The following PDE3B variants were observed in gnomAD, a reference collection of about 807,000 sequenced individuals.
PDE3B encodes the protein phosphodiesterase 3B.
A neutral mutation model predicts 116.8 loss-of-function variants in PDE3B; 66 were observed. The ratio of observed to expected loss-of-function variants is 0.56; its 90% CI spans 0.46 to 0.69. PDE3B has a LOEUF of 0.69. Among genes scored for constraint, PDE3B ranks in the 30% least tolerant of loss-of-function variants. The probability of loss-of-function intolerance (pLI) is 0.00; values close to 1 mark genes in which losing one functional copy is unlikely to be tolerated. For missense variants in PDE3B, 1,384 were observed against 1,368.1 expected (o/e 1.01, Z -0.18); for synonymous variants, 595 against 533.6 (o/e 1.12, Z -1.59).
intron 12 of PDE3B, among the ~76,000 whole-genome samples, chr11:14,855,306 T>A (rs1294774761): frequency 6.6e-6 from 1 of 151,148 alleles, no homozygotes; most frequent in African/African-American, 2.4e-5. Flanking sequence ...ACACCACACA[T>A]AGCACATCAT....
chr11:14,822,797 G>C (rs149758531), intron 7 of PDE3B, among the ~76,000 whole-genome samples: 4 of 152,308 alleles, frequency 2.6e-5, no homozygotes, highest in African/African-American at 9.6e-5. Context: ...TCAGGGGTCT[G>C]AGCAGCAATG....
intron 6 of PDE3B, among the ~76,000 whole-genome samples, chr11:14,818,882 G>A (rs1859420213): frequency 6.6e-6 from 1 of 152,152 alleles, no homozygotes; most frequent in South Asian, 2.1e-4. Flanking sequence ...AATGGTGTTT[G>A]ATCTTATTTC....
chr11:14,658,864 AG>A (rs1853800001), intron 1 of PDE3B, among the ~76,000 whole-genome samples: 1 of 152,182 alleles, frequency 6.6e-6, no homozygotes, highest in South Asian at 2.1e-4. Context: ...CTTTAAATTC[AG>A]GGACAGTATC....
chr11:14,757,487 C>T (rs1370124753), intron 1 of PDE3B, among the ~76,000 whole-genome samples: 35 of 149,426 alleles, frequency 2.3e-4, no homozygotes, highest in African/African-American at 6.9e-4. Flanking sequence ...TTTTTAATGA[C>T]TGCCATTCTA....
chr11:14,668,768 C>A (rs1489226952), intron 1 of PDE3B, among the ~76,000 whole-genome samples: 2 of 152,102 alleles, frequency 1.3e-5, no homozygotes, highest in Non-Finnish European at 2.9e-5. Flanking sequence ...CCAGCTTATT[C>A]GTTTAGATAT....
At chr11:14,645,745 T>G (rs1853382534) in intron 1 of PDE3B, among the ~76,000 whole-genome samples, 1 of 152,178 alleles carries the variant, frequency 6.6e-6, no homozygotes, top group African/African-American at 2.4e-5. Context: ...AGCATTTCCA[T>G]TTTTTCACCA....
At chr11:14,774,931 A>C (rs1489721676) in intron 2 of PDE3B, 1 of 152,134 alleles carries the variant, frequency 6.6e-6, no homozygotes, top group South Asian at 2.1e-4. Flanking sequence ...GTTATTCCCC[A>C]AACAAGTCAG....
At chr11:14,872,846 G>A (rs1848157093), downstream of PDE3B, among the ~76,000 whole-genome samples, 3 of 152,146 alleles carry the variant, frequency 2.0e-5, no homozygotes, top group South Asian at 6.2e-4. Flanking sequence ...TGCAGAACCT[G>A]CCAATGCAGA....
intron 1 of PDE3B, among the ~76,000 whole-genome samples, chr11:14,704,872 A>G (rs1447122149): frequency 6.6e-6 from 1 of 151,730 alleles, no homozygotes; most frequent in Non-Finnish European, 1.5e-5. Context: ...GGACCTTGTC[A>G]AAATTAAAAC....
chr11:14,738,608 A>C lies in PDE3B; in HGVS notation c.979-33329A>C, dbSNP rs377147283. 3.9e-5 allele frequency among the ~76,000 whole-genome samples: 6 copies of C among 152,328 alleles called. No individual in the cohort carries two copies. The East Asian group carries it at 7.7e-4, about 20-fold the overall frequency. ...TGTGCAGAAGCTCTTGAGTTTAATT[A>C]GATCCCATTTGTCAATTTTGGCTTT... is the stretch of plus-strand genomic sequence containing the variant. On this transcript the variant is annotated intron_variant, in intron 1 of 15. Transcript: ENST00000282096.
intron 4 of PDE3B, 141 bp downstream of exon 4, chr11:14,789,383 T>C: frequency 1.7e-6 from 1 of 598,444 alleles, no homozygotes; most frequent in Non-Finnish European, 2.8e-6. Context: ...AGTAATAATA[T>C]GGTAAAATAG....
chr11:14,808,460 G>T (rs1034737944), intron 5 of PDE3B, among the ~76,000 whole-genome samples: 2 of 152,282 alleles, frequency 1.3e-5, no homozygotes, highest in African/African-American at 2.4e-5. Context: ...CCCTGAAGTG[G>T]ATTGGATTTT....
At position 14,722,329 on chromosome 11, in the gene PDE3B, G is replaced by A. The variant is rs1029197078; in HGVS notation, c.979-49608G>A. 5.9e-5 allele frequency among the ~76,000 whole-genome samples: 9 copies of A among 151,548 alleles called. No homozygotes were observed. In the South Asian group the frequency reaches 1.0e-3, roughly 18 times the overall value. On this transcript the variant is annotated intron_variant, in intron 1 of 15. Transcript: ENST00000282096. ...GTATAATTAAAAAAAAAAGAAAAGG[G>A]GAAAAATCTAGGAAAGTCTAGTCGA...
intron 1 of PDE3B, among the ~76,000 whole-genome samples, chr11:14,730,937 A>C (rs751043123): frequency 6.6e-6 from 1 of 152,226 alleles, no homozygotes; most frequent in Non-Finnish European, 1.5e-5. Flanking sequence ...TAAGTAGCTC[A>C]AGACTTTTAA....
chr11:14,767,792 A>G (rs1452334021), intron 1 of PDE3B, among the ~76,000 whole-genome samples: 1 of 151,424 alleles, frequency 6.6e-6, no homozygotes, highest in African/African-American at 2.4e-5. Context: ...ATATTCTGGG[A>G]CAATGAGGAA....
intron 1 of PDE3B, among the ~76,000 whole-genome samples, chr11:14,737,294 C>T (rs552862777): frequency 6.2e-4 from 94 of 151,940 alleles, no homozygotes; most frequent in African/African-American, 2.1e-3. Context: ...CCCGGGTTCA[C>T]GCTGTTCTCC....
intron 1 of PDE3B, among the ~76,000 whole-genome samples, chr11:14,754,459 T>C (rs1265408931): frequency 6.6e-6 from 1 of 152,174 alleles, no homozygotes; most frequent in Admixed American, 6.6e-5. Flanking sequence ...TGTGTAGATA[T>C]TATTATTGCT....
chr11:14,690,693 C>T (rs1386147373), intron 1 of PDE3B, among the ~76,000 whole-genome samples: 1 of 150,938 alleles, frequency 6.6e-6, no homozygotes, highest in African/African-American at 2.4e-5. Flanking sequence ...GGCACAGAAT[C>T]ATGGAAGTTA....
At chr11:14,717,268 T>C in intron 1 of PDE3B, among the ~76,000 whole-genome samples, 1 of 100,046 alleles carries the variant, frequency 1.0e-5, no homozygotes, top group South Asian at 4.2e-4. Context: ...TATGGGACTA[T>C]GTGAAAAGAC....
Sources: gnomAD v4.1 joint callset for allele counts (sites outside exome capture counted in the v4.1 genomes callset) on GRCh38, gnomAD v4.1.1 for gene constraint, MANE v1.5 for transcripts, NCBI Gene and HGNC (gene_info 2026-07-23, HGNC 2026-07-21) for gene names.